The following HS6ST3 variants were observed in gnomAD, a reference collection of about 807,000 sequenced individuals.
The protein encoded by HS6ST3 is heparan-sulfate 6-O-sulfotransferase 3.
Under a neutral mutation model 36.7 loss-of-function variants are expected in HS6ST3, and 12 were observed. The ratio of observed to expected loss-of-function variants is 0.33; its 90% confidence interval spans 0.21 to 0.53. The LOEUF (loss-of-function observed/expected upper bound fraction) is 0.53. Ranked by LOEUF, HS6ST3 falls within the 20% of genes least tolerant of loss-of-function variation. The pLI, the probability that HS6ST3 is intolerant of heterozygous loss-of-function variation, is 0.95. For missense variants in HS6ST3, 584 were observed against 640.9 expected, an observed-to-expected ratio of 0.91 and a Z score of 0.96; for synonymous variants, 240 against 257.5, an observed-to-expected ratio of 0.93 and a Z score of 0.65.
intron 1 of HS6ST3, among the ~76,000 whole-genome samples, chr13:96,469,676 A>G (rs2055831251): frequency 6.6e-6 from 1 of 152,106 alleles, no homozygotes; most frequent in Admixed American, 6.6e-5. Flanking sequence ...TGTTGATGAT[A>G]TTTGTAGAGG....
At chr13:96,278,519 G>A (rs2054759559) in intron 1 of HS6ST3, among the ~76,000 whole-genome samples, 1 of 152,098 alleles carries the variant, frequency 6.6e-6, no homozygotes, top group Non-Finnish European at 1.5e-5. Flanking sequence ...TTTATATAAT[G>A]TTCTTTGTTT....
chr13:96,285,304 T>C (rs933758486), intron 1 of HS6ST3, among the ~76,000 whole-genome samples: 2 of 152,178 alleles, frequency 1.3e-5, no homozygotes, highest in African/African-American at 2.4e-5. Flanking sequence ...CTTAAAGATA[T>C]ACTATTTAGC....
At chr13:96,732,420 T>C (rs1876179322) in intron 1 of HS6ST3, among the ~76,000 whole-genome samples, 1 of 152,214 alleles carries the variant, frequency 6.6e-6, no homozygotes, top group Non-Finnish European at 1.5e-5. Context: ...ACACCATTTA[T>C]TGAAGTCTGT....
chr13:96,142,360 C>A (rs1359535224), intron 1 of HS6ST3, among the ~76,000 whole-genome samples: 1 of 152,038 alleles, frequency 6.6e-6, no homozygotes, highest in African/African-American at 2.4e-5. Context: ...TTGGATAAGT[C>A]ATTCTCCTGG....
At chr13:96,798,853 G>A (rs946931286) in intron 1 of HS6ST3, among the ~76,000 whole-genome samples, 5 of 152,174 alleles carry the variant, frequency 3.3e-5, no homozygotes, top group East Asian at 1.9e-4. Context: ...TGAGATCAAG[G>A]TGTCAGCAGG....
chr13:96,468,417 A>T (rs939223063), intron 1 of HS6ST3, among the ~76,000 whole-genome samples: 1 of 151,616 alleles, frequency 6.6e-6, no homozygotes, highest in Admixed American at 6.6e-5. Context: ...TGATGATTTA[A>T]TTGAATTACT....
At chr13:96,110,716 G>T (rs898978570) in intron 1 of HS6ST3, among the ~76,000 whole-genome samples, 3 of 152,072 alleles carry the variant, frequency 2.0e-5, no homozygotes, top group Non-Finnish European at 2.9e-5. Flanking sequence ...GAGCCACCAC[G>T]CCTGGCCGGG....
At chr13:96,539,632 T>C (rs928312855) in intron 1 of HS6ST3, among the ~76,000 whole-genome samples, 1 of 152,100 alleles carries the variant, frequency 6.6e-6, no homozygotes. Context: ...TGGGATTACA[T>C]GCGTGAGCCT....
chr13:96,456,442 G>T (rs1292768707), intron 1 of HS6ST3, among the ~76,000 whole-genome samples: 1 of 152,096 alleles, frequency 6.6e-6, no homozygotes, highest in African/African-American at 2.4e-5. Context: ...ATGAATTACT[G>T]ATGTGCAAAT....
At chr13:96,192,283 TC>T (rs2054291825) in intron 1 of HS6ST3, among the ~76,000 whole-genome samples, 1 of 152,228 alleles carries the variant, frequency 6.6e-6, no homozygotes, top group South Asian at 2.1e-4. Context: ...ATAATTTTTT[TC>T]TATTATACTT....
intron 1 of HS6ST3, among the ~76,000 whole-genome samples, chr13:96,178,470 A>G (rs900050418): frequency 6.6e-6 from 1 of 152,036 alleles, no homozygotes; most frequent in African/African-American, 2.4e-5. Flanking sequence ...TCAGGGACCA[A>G]CTTCTACCCT....
intron 1 of HS6ST3, among the ~76,000 whole-genome samples, chr13:96,687,329 A>G (rs897399876): frequency 5.3e-5 from 8 of 152,032 alleles, no homozygotes; most frequent in African/African-American, 1.9e-4. Flanking sequence ...TTTTCGTGCT[A>G]TAACACATGG....
intron 1 of HS6ST3, among the ~76,000 whole-genome samples, chr13:96,305,169 AT>A (rs916247607): frequency 6.6e-6 from 1 of 151,898 alleles, no homozygotes; most frequent in Non-Finnish European, 1.5e-5. Context: ...AGCCTAATGG[AT>A]TTTTTTTGGA....
Position 96,719,362 on chromosome 13 carries a change from A to G in HS6ST3, c.708-113128A>G, listed in dbSNP as rs1006887360. Among the ~76,000 whole-genome samples the G allele has an allele frequency of 2.0e-5, 3 of 151,928 alleles. No homozygotes were observed. The East Asian group carries it at 5.8e-4, about 29-fold the overall frequency. On this transcript the variant is annotated intron_variant, in intron 1 of 1. Transcript: ENST00000376705. ...GTTTATTCTTGGTTTAAAAGACAGC[A>G]GAAAGAGCAAGAGAGCCTGTTTGAT...
chr13:96,402,190 T>C (rs1369198651), intron 1 of HS6ST3, among the ~76,000 whole-genome samples: 4 of 152,186 alleles, frequency 2.6e-5, no homozygotes, highest in African/African-American at 9.7e-5. Context: ...TTATTAACTA[T>C]CTATATAAGA....
At position 96,622,214 on chromosome 13, in the gene HS6ST3, CA is replaced by C. The variant is rs879915846; in HGVS notation, c.708-210264del. On this transcript the variant is annotated intron_variant, in intron 1 of 1. Transcript: ENST00000376705. ...TGTTTCATTTTTACTGATATAATTT[CA>C]AAAAAAAAAAACAAAGTTTTTGATA... Among the ~76,000 whole-genome samples the C allele has an allele frequency of 5.2e-3, 661 of 125,970 alleles. 2 individuals carry two copies. Among genetic ancestry groups the C allele is most frequent in the African/African-American group, 0.015 (529 of 35,802 alleles). 82.6% of individuals were successfully genotyped at this position (125,970 alleles called of 152,430 possible).
intron 1 of HS6ST3, among the ~76,000 whole-genome samples, chr13:96,231,899 A>G (rs1167770523): frequency 1.3e-5 from 2 of 152,194 alleles, no homozygotes; most frequent in African/African-American, 4.8e-5. Flanking sequence ...AAGTGTAAAT[A>G]CAAGCTATTG....
At chr13:96,764,118 A>G (rs1316467843) in intron 1 of HS6ST3, among the ~76,000 whole-genome samples, 5 of 152,254 alleles carry the variant, frequency 3.3e-5, no homozygotes, top group African/African-American at 9.6e-5. Context: ...ATTTCTTTAC[A>G]TAGTCATGCT....
At chr13:96,527,786 G>A (rs905347341) in intron 1 of HS6ST3, among the ~76,000 whole-genome samples, 4 of 152,330 alleles carry the variant, frequency 2.6e-5, no homozygotes, top group South Asian at 2.1e-4. Flanking sequence ...GGAGGCAGGA[G>A]AGTGGTAGCA....
Sources: allele counts gnomAD v4.1 joint callset (sites outside exome capture counted in the v4.1 genomes callset), GRCh38; gene constraint gnomAD v4.1.1; transcripts MANE v1.5; gene names NCBI Gene and HGNC (gene_info 2026-07-23, HGNC 2026-07-21).